Variants in CREBBP observed in about 807,000 individuals in gnomAD.
The protein encoded by CREBBP is CREB-binding protein.
CREBBP carries 19 observed loss-of-function variants against 265.0 expected under a neutral mutation model. The ratio of observed to expected loss-of-function variants is 0.07; its 90% CI spans 0.05 to 0.11. The LOEUF (loss-of-function observed/expected upper bound fraction) is 0.11. Ranked by LOEUF, CREBBP falls within the 10% of genes least tolerant of loss-of-function variation. The pLI is 1.00. For missense variants in CREBBP, 2,525 were observed against 3,219.0 expected, an observed-to-expected ratio of 0.78 and a Z score of 5.22; for synonymous variants, 1,457 against 1,223.7, an observed-to-expected ratio of 1.19 and a Z score of -3.98.
At chr16:3,848,598 AGTAAT>A (rs1327803974) in intron 2 of CREBBP, among the ~76,000 whole-genome samples, 2 of 152,192 alleles carry the variant, frequency 1.3e-5, no homozygotes, top group Admixed American at 1.3e-4. Flanking sequence ...TGGGGTCCTC[AGTAAT>A]TGTTAAGATT....
intron 16 of CREBBP, among the ~76,000 whole-genome samples, chr16:3,766,438 TG>T (rs2052854447): frequency 6.6e-6 from 1 of 152,104 alleles, no homozygotes; most frequent in South Asian, 2.1e-4. Context: ...TACTTATTTT[TG>T]TTTTGGAAAA....
At chr16:3,873,918 C>A (rs889991870) in intron 1 of CREBBP, among the ~76,000 whole-genome samples, 1 of 152,254 alleles carries the variant, frequency 6.6e-6, no homozygotes, top group African/African-American at 2.4e-5. Flanking sequence ...CACTAATTCC[C>A]TCAAATATTT....
intron 2 of CREBBP, among the ~76,000 whole-genome samples, chr16:3,819,928 A>T (rs990910624): frequency 4.6e-5 from 7 of 152,222 alleles, no homozygotes; most frequent in Admixed American, 6.5e-5. Context: ...ACAAACTTCC[A>T]TTTGATGTGG....
intron 19 of CREBBP, 61 bp from the exon 20 acceptor site, chr16:3,751,867 C>T: frequency 2.0e-6 from 3 of 1,530,420 alleles, no homozygotes; most frequent in Non-Finnish European, 2.7e-6. Flanking sequence ...GCCACCCAAG[C>T]AACGAAGCCA....
intron 28 of CREBBP, among the ~76,000 whole-genome samples, chr16:3,735,748 A>G (rs2052039258): frequency 6.6e-6 from 1 of 152,112 alleles, no homozygotes; most frequent in African/African-American, 2.4e-5. Context: ...CTCACTTTTT[A>G]CATCAGCGGG....
At chr16:3,766,808 T>C (rs1214398441) in intron 16 of CREBBP, among the ~76,000 whole-genome samples, 1 of 152,168 alleles carries the variant, frequency 6.6e-6, no homozygotes, top group African/African-American at 2.4e-5. Flanking sequence ...ATTACAGGTG[T>C]AAGCCACTGT....
intron 1 of CREBBP, among the ~76,000 whole-genome samples, chr16:3,878,308 CA>C (rs1396066977): frequency 2.6e-5 from 4 of 152,306 alleles, no homozygotes; most frequent in African/African-American, 9.6e-5. Flanking sequence ...CTACTGTTTC[CA>C]AATTTCTCAC....
intron 23 of CREBBP, chr16:3,741,042 C>T: frequency 4.4e-6 from 1 of 229,122 alleles, no homozygotes; most frequent in Non-Finnish European, 8.7e-6. Flanking sequence ...GCCTCAGGAG[C>T]TGGCAAAGTA....
At chr16:3,866,592 G>C (rs1025187143) in intron 1 of CREBBP, among the ~76,000 whole-genome samples, 5 of 151,584 alleles carry the variant, frequency 3.3e-5, no homozygotes, top group Admixed American at 6.6e-5. Context: ...GTTTTGTTTT[G>C]AATTTTTTTA....
At chr16:3,776,452 C>T (rs1352404796) in intron 11 of CREBBP, among the ~76,000 whole-genome samples, 2 of 152,164 alleles carry the variant, frequency 1.3e-5, no homozygotes, top group African/African-American at 2.4e-5. Flanking sequence ...GTTGTTGAGA[C>T]AGCTGCTGAC....
rs2151299196 is a variant in CREBBP, at chr16:3,727,937, C to T, written c.7110G>A (p.Gln2370=). ...GGGGTGAGACGTGGTGTGGCGAAGG[C>T]TGGGGCTGTATCCGTGGTGACGGGC... is the stretch of plus-strand genomic sequence containing the variant. ...HSSPSPRIQP[Q]PSPHHVSPQT... Residue 2370 remains glutamine (Q), a synonymous_variant, in exon 31 of 31, where the codon CAG becomes CAA. Coordinates refer to ENST00000262367, the MANE Select transcript of CREBBP (RefSeq NM_004380.3). 1.2e-6 allele frequency: 2 copies of T among 1,608,606 alleles called. No homozygotes were observed. Among genetic ancestry groups the T allele is most frequent in the Non-Finnish European group, 1.7e-6 (2 of 1,176,342 alleles).
chr16:3,843,976 G>A (rs1415007993), intron 2 of CREBBP, among the ~76,000 whole-genome samples: 5 of 150,418 alleles, frequency 3.3e-5, no homozygotes, highest in Non-Finnish European at 5.9e-5. Context: ...GTGAAACCCC[G>A]TCTCTACTAA....
At chr16:3,869,286 A>T (rs1447124429) in intron 1 of CREBBP, among the ~76,000 whole-genome samples, 1 of 152,238 alleles carries the variant, frequency 6.6e-6, no homozygotes, top group Non-Finnish European at 1.5e-5. Flanking sequence ...ATGAGGGCAG[A>T]GATGGGGCCT....
intron 1 of CREBBP, among the ~76,000 whole-genome samples, chr16:3,872,489 T>C (rs756646604): frequency 6.6e-6 from 1 of 152,166 alleles, no homozygotes; most frequent in Non-Finnish European, 1.5e-5. Context: ...CTTACACTTC[T>C]GCATCAAAGA....
rs1031380875 is a variant in CREBBP at position 3,815,530 on chromosome 16, C to CAAAA, written c.799-4755_799-4752dup. ...GGATGACAGAGGGGAGACTCCATCT[C>CAAAA]AAAAAAAAAAAAAAAAAAAATTTTT... On this transcript the variant is annotated intron_variant, in intron 2 of 30. Coordinates refer to ENST00000262367, the MANE Select transcript of CREBBP (RefSeq NM_004380.3). Among the ~76,000 whole-genome samples, 76 of 51,948 alleles carry CAAAA rather than the reference C, an allele frequency of 1.5e-3. 1 individual carries two copies. Among genetic ancestry groups the CAAAA allele is most frequent in the East Asian group, 9.4e-3 (15 of 1,598 alleles). The allele number at this position is 51,948 out of a possible 152,430, so 34.1% of individuals were successfully genotyped here.
chr16:3,791,433 T>C (rs1201639711), intron 5 of CREBBP, among the ~76,000 whole-genome samples: 3 of 152,148 alleles, frequency 2.0e-5, no homozygotes, highest in Non-Finnish European at 2.9e-5. Context: ...AGTGAACGTT[T>C]AGTTATACAA....
chr16:3,844,204 G>T (rs1371917098), intron 2 of CREBBP, among the ~76,000 whole-genome samples: 3 of 144,538 alleles, frequency 2.1e-5, no homozygotes, highest in African/African-American at 5.1e-5. Flanking sequence ...CCAAGTTAAC[G>T]TAACACTGAT....
At chr16:3,876,101 T>C (rs2055393916) in intron 1 of CREBBP, among the ~76,000 whole-genome samples, 1 of 152,094 alleles carries the variant, frequency 6.6e-6, no homozygotes, top group African/African-American at 2.4e-5. Flanking sequence ...TGCAGTGGCA[T>C]GATCACAGCT....
chr16:3,818,309 T>C (rs553906606), intron 2 of CREBBP, among the ~76,000 whole-genome samples: 201 of 142,086 alleles, frequency 1.4e-3, no homozygotes, highest in African/African-American at 4.5e-3. Context: ...TTTTCTTTTT[T>C]TTTTTTTTTT....
Sources: allele counts gnomAD v4.1 joint callset (sites outside exome capture counted in the v4.1 genomes callset), GRCh38; gene constraint gnomAD v4.1.1; transcripts MANE v1.5; gene names NCBI Gene and HGNC (gene_info 2026-07-23, HGNC 2026-07-21).